The following GALNT13 variants were observed in gnomAD, a reference collection of about 807,000 sequenced individuals.
GALNT13 encodes UDP-GalNAc:polypeptide N-acetylgalactosaminyltransferase 13.
Under a neutral mutation model 64.2 loss-of-function variants are expected in GALNT13, and 28 were observed. That is an observed-to-expected ratio of 0.44 (90% confidence interval 0.32 to 0.60). The LOEUF is 0.60. Ranked by LOEUF, GALNT13 falls within the 20% of genes least tolerant of loss-of-function variation. The pLI, the probability that GALNT13 is intolerant of heterozygous loss-of-function variation, is 0.05. For synonymous variants in GALNT13, 214 were observed against 224.6 expected (o/e 0.95, Z 0.42); for missense variants, 577 against 669.8 (o/e 0.86, Z 1.53).
chr2:154,308,797 A>G (rs912770178), intron 9 of GALNT13, among the ~76,000 whole-genome samples: 5 of 152,174 alleles, frequency 3.3e-5, no homozygotes, highest in Admixed American at 3.3e-4. Context: ...CACATAATGC[A>G]TTATTTGTGT....
the GALNT13 span, among the ~76,000 whole-genome samples, chr2:153,274,571 T>C: frequency 2.0e-5 from 3 of 152,216 alleles, no homozygotes; most frequent in African/African-American, 7.2e-5. Context: ...GACACTGCTG[T>C]ATATGCTGAC....
At chr2:153,628,990 T>C in the GALNT13 span, among the ~76,000 whole-genome samples, 3 of 152,234 alleles carry the variant, frequency 2.0e-5, no homozygotes, top group East Asian at 5.8e-4. Context: ...CTCTTTTTGG[T>C]TGGTAAGCTA....
chr2:154,314,247 T>C (rs925341533), intron 9 of GALNT13, among the ~76,000 whole-genome samples: 8 of 152,158 alleles, frequency 5.3e-5, no homozygotes, highest in Non-Finnish European at 4.4e-5. Flanking sequence ...ATTATATGAG[T>C]AATTACACTA....
intron 9 of GALNT13, among the ~76,000 whole-genome samples, chr2:154,382,892 G>A (rs1002962317): frequency 2.0e-5 from 3 of 151,646 alleles, no homozygotes; most frequent in Non-Finnish European, 2.9e-5. Context: ...TGTGGCATTT[G>A]TGTCAAAATC....
chr2:154,158,087 A>C (rs1684527760), intron 4 of GALNT13, among the ~76,000 whole-genome samples: 1 of 152,138 alleles, frequency 6.6e-6, no homozygotes. Context: ...GTTCAATATC[A>C]TTTAATCTGC....
chr2:153,946,223 C>CA (rs925577213), intron 3 of GALNT13, among the ~76,000 whole-genome samples: 1 of 152,056 alleles, frequency 6.6e-6, no homozygotes, highest in African/African-American at 2.4e-5. Flanking sequence ...TGGTCACATA[C>CA]AAAAAATGTA....
At chr2:154,362,242 C>A (rs1007889883) in intron 9 of GALNT13, among the ~76,000 whole-genome samples, 2 of 148,586 alleles carry the variant, frequency 1.3e-5, no homozygotes, top group Non-Finnish European at 3.0e-5. Flanking sequence ...ATTCTACCCC[C>A]ACCCCCACCC....
intron 3 of GALNT13, among the ~76,000 whole-genome samples, chr2:153,980,635 C>T (rs16835541): frequency 0.058 from 8,805 of 151,988 alleles, 366 homozygotes; most frequent in South Asian, 0.11. Flanking sequence ...AGTTTTGAGT[C>T]GGCAATTGGA....
At chr2:154,183,841 A>G (rs1341566595) in intron 4 of GALNT13, among the ~76,000 whole-genome samples, 2 of 151,704 alleles carry the variant, frequency 1.3e-5, no homozygotes, top group Admixed American at 6.6e-5. Context: ...TATCATTACT[A>G]TCTTTACTAT....
rs756157988 is a variant in GALNT13, at chr2:154,167,887, A to T, written c.311+27382A>T. 3.9e-4 allele frequency among the ~76,000 whole-genome samples: 59 copies of T among 152,286 alleles called. 1 individual carries two copies. The highest frequency in any genetic ancestry group is 6.5e-4 in the Non-Finnish European group (44 of 68,006). Reference sequence around the variant, plus strand: ...AGAACCTGAGCAAGGTAAAGAAGGCATCCTTGTAGGAGGACTTTTCAAAAT... The same window carrying T: ...AGAACCTGAGCAAGGTAAAGAAGGCTTCCTTGTAGGAGGACTTTTCAAAAT... On this transcript the variant is annotated intron_variant, in intron 4 of 12. Coordinates refer to ENST00000392825, the MANE Select transcript of GALNT13 (RefSeq NM_052917.4).
intron 2 of GALNT13, among the ~76,000 whole-genome samples, chr2:153,935,832 A>G (rs1251232436): frequency 2.0e-5 from 3 of 151,304 alleles, no homozygotes; most frequent in African/African-American, 7.3e-5. Flanking sequence ...CTTCCCCACA[A>G]CTCTTGGTGT....
chr2:153,117,535 T>C, the GALNT13 span, among the ~76,000 whole-genome samples: 1 of 152,166 alleles, frequency 6.6e-6, no homozygotes, highest in African/African-American at 2.4e-5. Flanking sequence ...AAAGTGGGAA[T>C]GGGAGTTGTT....
chr2:153,431,086 G>C, the GALNT13 span, among the ~76,000 whole-genome samples: 1 of 150,934 alleles, frequency 6.6e-6, no homozygotes, highest in South Asian at 2.1e-4. Context: ...GGAGGCGGAG[G>C]TTGCAGTGAG....
At chr2:154,337,255 GGTCTTACTGATTACAGA>G (rs1695505859) in intron 9 of GALNT13, among the ~76,000 whole-genome samples, 1 of 151,876 alleles carries the variant, frequency 6.6e-6, no homozygotes, top group African/African-American at 2.4e-5. Context: ...CTTAAAATGT[GGTCTTACTGATTACAGA>G]GTAATATATG....
the GALNT13 span, among the ~76,000 whole-genome samples, chr2:153,683,909 A>C: frequency 6.6e-6 from 1 of 151,826 alleles, no homozygotes; most frequent in South Asian, 2.1e-4. Context: ...AGAAGCAAAT[A>C]AATGGATAAA....
chr2:153,278,654 A>G, the GALNT13 span, among the ~76,000 whole-genome samples: 1 of 152,014 alleles, frequency 6.6e-6, no homozygotes, highest in East Asian at 1.9e-4. Flanking sequence ...TGTCAAAAAT[A>G]TGGCTATAGG....
chr2:153,396,680 A>G, the GALNT13 span, among the ~76,000 whole-genome samples: 7 of 152,162 alleles, frequency 4.6e-5, no homozygotes, highest in South Asian at 2.1e-4. Context: ...CAAGAGTCAC[A>G]TATCAAAGGA....
chr2:154,081,803 C>T (rs560223437), intron 3 of GALNT13, among the ~76,000 whole-genome samples: 1 of 151,846 alleles, frequency 6.6e-6, no homozygotes, highest in Admixed American at 6.6e-5. Flanking sequence ...TAATGTTTAA[C>T]AGCTTGAAGT....
intron 11 of GALNT13, among the ~76,000 whole-genome samples, chr2:154,419,912 A>G (rs895274997): frequency 1.3e-5 from 2 of 152,138 alleles, no homozygotes; most frequent in African/African-American, 4.8e-5. Context: ...TGGTTAAAGT[A>G]TATCACCATC....
Sources: gnomAD v4.1 joint callset for allele counts (sites outside exome capture counted in the v4.1 genomes callset) on GRCh38, gnomAD v4.1.1 for gene constraint, MANE v1.5 for transcripts, NCBI Gene and HGNC (gene_info 2026-07-23, HGNC 2026-07-21) for gene names.